The following LMBR1 variants were observed in gnomAD, a reference collection of about 807,000 sequenced individuals.
LMBR1 encodes limb region 1 protein homolog.
Under a neutral mutation model 73.9 loss-of-function variants are expected in LMBR1, and 52 were observed. The ratio of observed to expected loss-of-function variants is 0.70; its 90% confidence interval spans 0.56 to 0.89. The LOEUF (loss-of-function observed/expected upper bound fraction) is 0.89. Ranked by LOEUF, LMBR1 falls within the 40% of genes least tolerant of loss-of-function variation. The pLI is 0.00. For missense variants in LMBR1, 539 were observed against 579.8 expected (o/e 0.93, Z 0.72); for synonymous variants, 215 against 209.4 (o/e 1.03, Z -0.23).
chr7:156,745,303 C>A (rs1819643583), intron 9 of LMBR1, among the ~76,000 whole-genome samples: 1 of 152,142 alleles, frequency 6.6e-6, no homozygotes, highest in African/African-American at 2.4e-5. Context: ...TAATTGTTAA[C>A]TCAAGTGGGA....
chr7:156,765,730 G>A (rs147165931), intron 5 of LMBR1, among the ~76,000 whole-genome samples: 12 of 152,156 alleles, frequency 7.9e-5, no homozygotes, highest in South Asian at 2.1e-4. Context: ...TTGTTCTAGC[G>A]TTTGTGTTAC....
At chr7:156,833,993 T>A (rs1235954628) in intron 2 of LMBR1, among the ~76,000 whole-genome samples, 1 of 152,224 alleles carries the variant, frequency 6.6e-6, no homozygotes, top group Non-Finnish European at 1.5e-5. Flanking sequence ...GAGAATGGGA[T>A]GTTTCAATTA....
chr7:156,813,875 G>GT (rs200134909), intron 4 of LMBR1, among the ~76,000 whole-genome samples: 4,894 of 151,414 alleles, frequency 0.032, 123 homozygotes, highest in South Asian at 0.085. Context: ...AAAAGTCCTA[G>GT]TTTTTTTTTA....
intron 15 of LMBR1, among the ~76,000 whole-genome samples, chr7:156,688,719 A>G (rs1253109164): frequency 6.6e-6 from 1 of 152,192 alleles, no homozygotes; most frequent in Non-Finnish European, 1.5e-5. Flanking sequence ...TACCTAAAAC[A>G]GCAGGACCTT....
chr7:156,788,972 C>T (rs60531795), intron 5 of LMBR1, among the ~76,000 whole-genome samples: 48,628 of 152,002 alleles, frequency 0.32, 8,042 homozygotes, highest in East Asian at 0.56. Context: ...CACTTGAACC[C>T]GGGAGATGGA....
chr7:156,712,580 C>G (rs564763059), intron 15 of LMBR1, among the ~76,000 whole-genome samples: 1 of 152,192 alleles, frequency 6.6e-6, no homozygotes, highest in Non-Finnish European at 1.5e-5. Flanking sequence ...TATAGCAGCA[C>G]TGATCACAAT....
rs1805039613 is a variant in LMBR1, at chr7:156,681,581, T to TC, written c.*2496dup. On this transcript the variant is annotated 3_prime_UTR_variant, in exon 17 of 17. Transcript: ENST00000353442. ...CCAATTAATAAGAATCTGCAAGTTT[T>TC]CCCCAAGAAACTCTGGAACCATAGT... 6.5e-6 allele frequency: 1 copy of TC among 153,438 alleles called. No individual in the cohort carries two copies. The highest frequency in any genetic ancestry group is 6.5e-5 in the Admixed American group (1 of 15,316). 9.5% of individuals were successfully genotyped at this position (153,438 alleles called of 1,614,324 possible). A position where few individuals can be genotyped will look rare whatever the true frequency, so the allele number is the denominator to read the frequency against.
chr7:156,716,015 G>A (rs1292254465), intron 15 of LMBR1, among the ~76,000 whole-genome samples: 1 of 152,106 alleles, frequency 6.6e-6, no homozygotes, highest in African/African-American at 2.4e-5. Context: ...TCAACATGGT[G>A]GCACCCACTG....
chr7:156,862,546 A>G (rs1717341282), intron 1 of LMBR1, among the ~76,000 whole-genome samples: 3 of 152,336 alleles, frequency 2.0e-5, no homozygotes, highest in Admixed American at 2.0e-4. Flanking sequence ...CTATTTAGAT[A>G]CAATATGAAA....
At position 156,763,789 on chromosome 7, in the gene LMBR1, G is replaced by A. The variant is rs758355870; in HGVS notation, c.430C>T (p.Arg144Ter). 5.7e-6 allele frequency: 9 copies of A among 1,585,442 alleles called. No homozygotes were observed. The highest frequency in any genetic ancestry group is 3.5e-5 in the South Asian group (3 of 85,118). Residue 144 changes from arginine to a stop codon, truncating the protein, a stop_gained, in exon 6 of 17, where the codon CGA becomes TGA. Coordinates refer to ENST00000353442, the MANE Select transcript of LMBR1 (RefSeq NM_022458.4). LOFTEE classifies it high-confidence loss of function. ...EGFAGLKKGIRARILETLVML... is the reference protein window; with the variant it reads ...EGFAGLKKGI ...ACCAAAGTCTCTAAAATGCGGGCTC[G>A]GATTCCCTGAAAAATAGAGTAGAAA...
chr7:156,855,565 C>G (rs1443988828), intron 1 of LMBR1, among the ~76,000 whole-genome samples: 1 of 148,476 alleles, frequency 6.7e-6, no homozygotes, highest in African/African-American at 2.5e-5. Context: ...CAGAAAGCAA[C>G]AGATAAAATA....
chr7:156,853,940 C>G (rs2134109182), intron 1 of LMBR1, among the ~76,000 whole-genome samples: 1 of 151,034 alleles, frequency 6.6e-6, no homozygotes, highest in Admixed American at 6.6e-5. Flanking sequence ...CAGGCATGTG[C>G]CATCGTGCCT....
At position 156,834,771 on chromosome 7, in the gene LMBR1, CCTT is replaced by C. The variant is rs1468607903; in HGVS notation, c.140-982_140-980del. On this transcript the variant is annotated intron_variant, in intron 2 of 16. Transcript: ENST00000353442. ...AGCAGATGGTCTTCACTCACACTCT[CCTT>C]CTCGCTCATGCCTGTCAGCAATCTC... Among the ~76,000 whole-genome samples, 19 of 151,764 alleles carry C rather than the reference CCTT, an allele frequency of 1.3e-4. No individual in the cohort carries two copies. The South Asian group carries it at 3.3e-3, about 27-fold the overall frequency.
chr7:156,862,785 A>T (rs1797912950), intron 1 of LMBR1, among the ~76,000 whole-genome samples: 1 of 152,174 alleles, frequency 6.6e-6, no homozygotes, highest in African/African-American at 2.4e-5. Context: ...AAGCAAAAAG[A>T]CTTAGTAATA....
intron 5 of LMBR1, among the ~76,000 whole-genome samples, chr7:156,791,972 CT>C (rs1302094606): frequency 6.6e-6 from 1 of 152,186 alleles, no homozygotes; most frequent in Non-Finnish European, 1.5e-5. Context: ...TTTTCTCCCA[CT>C]TTCATTAAGT....
chr7:156,886,491 G>A (rs1801929339), intron 1 of LMBR1, among the ~76,000 whole-genome samples: 1 of 152,184 alleles, frequency 6.6e-6, no homozygotes, highest in South Asian at 2.1e-4. Context: ...GGGACATGAA[G>A]GCACTGAAGT....
At chr7:156,891,220 ATATATAT>A (rs1802896467) in intron 1 of LMBR1, among the ~76,000 whole-genome samples, 2 of 65,226 alleles carry the variant, frequency 3.1e-5, no homozygotes, top group African/African-American at 5.6e-5. Context: ...AAATATATAT[ATATATAT>A]ATATATACAC....
At chr7:156,762,963 C>T (rs1823388666) in intron 7 of LMBR1, 145 bp downstream of exon 7, 1 of 541,042 alleles carries the variant, frequency 1.8e-6, no homozygotes, top group Admixed American at 4.0e-5. Flanking sequence ...TTCCATTTAT[C>T]AAAATTTATT....
intron 4 of LMBR1, among the ~76,000 whole-genome samples, chr7:156,807,131 A>G (rs1205159661): frequency 6.6e-6 from 1 of 152,156 alleles, no homozygotes. Context: ...TTGATTCGCT[A>G]AAATTGTATT....
Sources: allele counts gnomAD v4.1 joint callset (sites outside exome capture counted in the v4.1 genomes callset), GRCh38; gene constraint gnomAD v4.1.1; transcripts MANE v1.5; gene names NCBI Gene and HGNC (gene_info 2026-07-23, HGNC 2026-07-21).